The following DAB1 variants were observed in gnomAD, a reference collection of about 807,000 sequenced individuals.
DAB1 encodes the protein disabled homolog 1.
In DAB1, 15 loss-of-function variants were observed where a neutral mutation model predicts 64.6. That is an observed-to-expected ratio of 0.23 (90% confidence interval 0.16 to 0.36). The LOEUF is 0.36. Ranked by LOEUF, DAB1 falls within the 10% of genes least tolerant of loss-of-function variation. DAB1 has a pLI of 1.00. For synonymous variants in DAB1, 235 were observed against 251.9 expected (o/e 0.93, Z 0.64); for missense variants, 596 against 706.7 (o/e 0.84, Z 1.78).
At chr1:57,625,916 C>T (rs963586508) in intron 7 of DAB1, among the ~76,000 whole-genome samples, 1 of 152,032 alleles carries the variant, frequency 6.6e-6, no homozygotes, top group Non-Finnish European at 1.5e-5. Context: ...TGGGTCGAAC[C>T]TTTATTTTAT....
chr1:57,866,472 T>G (rs1236908849), intron 1 of DAB1: 1 of 152,206 alleles, frequency 6.6e-6, no homozygotes, highest in South Asian at 2.1e-4. Context: ...AGTTTGTCAT[T>G]CTTTGAGTGC....
intron 1 of DAB1, among the ~76,000 whole-genome samples, chr1:57,879,697 C>G (rs1644112082): frequency 6.6e-6 from 1 of 152,076 alleles, no homozygotes; most frequent in Non-Finnish European, 1.5e-5. Context: ...ATGAATGAAA[C>G]CTTACAAGAG....
At chr1:57,596,597 T>A (rs1042233080) in intron 7 of DAB1, among the ~76,000 whole-genome samples, 1 of 152,080 alleles carries the variant, frequency 6.6e-6, no homozygotes, top group African/African-American at 2.4e-5. Flanking sequence ...GACTGGGATG[T>A]GGTCTGTCTT....
chr1:57,872,766 T>C (rs1643975161), intron 1 of DAB1, among the ~76,000 whole-genome samples: 1 of 152,016 alleles, frequency 6.6e-6, no homozygotes, highest in Non-Finnish European at 1.5e-5. Context: ...AATAAGAAGA[T>C]GATTTTGGAT....
At chr1:57,762,800 G>A (rs182665663) in intron 6 of DAB1, among the ~76,000 whole-genome samples, 3 of 152,152 alleles carry the variant, frequency 2.0e-5, no homozygotes, top group Non-Finnish European at 2.9e-5. Context: ...AGCCTGGATC[G>A]CCCTGAGAGA....
intron 1 of DAB1, among the ~76,000 whole-genome samples, chr1:57,372,202 T>C (rs1680553822): frequency 6.6e-6 from 1 of 152,218 alleles, no homozygotes; most frequent in Admixed American, 6.5e-5. Flanking sequence ...CATAGACATT[T>C]ACAAATTATG....
At chr1:57,967,467 C>G (rs1343988250) in intron 5 of DAB1, among the ~76,000 whole-genome samples, 1 of 152,122 alleles carries the variant, frequency 6.6e-6, no homozygotes, top group Non-Finnish European at 1.5e-5. Context: ...TGGATCCATA[C>G]TCTGTGTCCT....
chr1:57,558,989 G>T (rs974422115), intron 7 of DAB1, among the ~76,000 whole-genome samples: 1 of 152,134 alleles, frequency 6.6e-6, no homozygotes, highest in African/African-American at 2.4e-5. Context: ...CATATGTCGG[G>T]TCTAACAGTG....
At chr1:58,305,871 G>T (rs375470999) in intron 4 of DAB1, among the ~76,000 whole-genome samples, 6 of 152,306 alleles carry the variant, frequency 3.9e-5, no homozygotes, top group African/African-American at 9.6e-5. Flanking sequence ...AATCTGAGTT[G>T]TCCTTGCAGT....
intron 3 of DAB1, among the ~76,000 whole-genome samples, chr1:58,426,080 T>C (rs1644819454): frequency 6.6e-6 from 1 of 152,200 alleles, no homozygotes; most frequent in Admixed American, 6.5e-5. Context: ...CTTTGCCACA[T>C]CTTTGCTTTT....
At chr1:57,422,106 A>G (rs35783414) in intron 1 of DAB1, among the ~76,000 whole-genome samples, 10,839 of 152,260 alleles carry the variant, frequency 0.071, 463 homozygotes, top group African/African-American at 0.12. Context: ...TAAATGTACC[A>G]ACGTGAACTG....
At chr1:57,218,515 TA>T (rs776398255) in intron 2 of DAB1, among the ~76,000 whole-genome samples, 133 of 71,442 alleles carry the variant, frequency 1.9e-3, no homozygotes, top group Non-Finnish European at 2.5e-3. Flanking sequence ...CCCCCATCTC[TA>T]AAAAAAAAAA....
intron 6 of DAB1, among the ~76,000 whole-genome samples, chr1:57,811,529 T>A (rs953350907): frequency 2.0e-5 from 3 of 152,230 alleles, no homozygotes; most frequent in Non-Finnish European, 4.4e-5. Flanking sequence ...GTACAGTCTG[T>A]AGAACCATGA....
intron 7 of DAB1, among the ~76,000 whole-genome samples, chr1:57,568,889 A>G (rs898261255): frequency 6.6e-6 from 1 of 152,180 alleles, no homozygotes; most frequent in African/African-American, 2.4e-5. Flanking sequence ...AGGGATCTAG[A>G]ACTAGAAATA....
Position 58,046,299 on chromosome 1 carries a change from C to T in DAB1, n.387+104212G>A, listed in dbSNP as rs141190859. 2.9e-3 allele frequency among the ~76,000 whole-genome samples: 447 copies of T among 152,262 alleles called. 4 individuals are homozygous for T. The highest frequency in any genetic ancestry group is 0.01 in the African/African-American group (426 of 41,548). ...ATATCAAATATCCAATTGGCTATAA[C>T]TAACTTCTTTTCTCAAAGCTAAGCA... On this transcript the variant is annotated intron_variant and non_coding_transcript_variant, in intron 5 of 20. Coordinates refer to the DAB1 transcript ENST00000485760.
chr1:57,080,534 C>T (rs142564483), intron 4 of DAB1, among the ~76,000 whole-genome samples: 69 of 152,270 alleles, frequency 4.5e-4, no homozygotes, highest in African/African-American at 1.6e-3. Flanking sequence ...TAAACATATG[C>T]TATACACACA....
intron 3 of DAB1, among the ~76,000 whole-genome samples, chr1:58,409,412 G>C (rs917439722): frequency 6.6e-6 from 1 of 152,164 alleles, no homozygotes; most frequent in Non-Finnish European, 1.5e-5. Flanking sequence ...CCTTCCCCCA[G>C]GACGTTATGC....
intron 2 of DAB1, among the ~76,000 whole-genome samples, chr1:57,244,871 G>A (rs1298216076): frequency 6.6e-6 from 1 of 152,170 alleles, no homozygotes; most frequent in Non-Finnish European, 1.5e-5. Flanking sequence ...GTTCTGATAT[G>A]GTTTAACTCT....
At chr1:57,897,324 G>A (rs1644405880) in intron 5 of DAB1, among the ~76,000 whole-genome samples, 1 of 152,056 alleles carries the variant, frequency 6.6e-6, no homozygotes, top group African/African-American at 2.4e-5. Context: ...GAACAGTTGT[G>A]GCACAGGAAC....
Sources: allele counts gnomAD v4.1 joint callset (sites outside exome capture counted in the v4.1 genomes callset), GRCh38; gene constraint gnomAD v4.1.1; transcripts MANE v1.5; gene names NCBI Gene and HGNC (gene_info 2026-07-23, HGNC 2026-07-21).